DST: variants seen among roughly 807,000 people sequenced by gnomAD.
DST encodes dystonin.
A neutral mutation model predicts 875.2 loss-of-function variants in DST; 253 were observed. The observed-to-expected ratio is 0.29, with a 90% confidence interval of 0.26 to 0.32. The LOEUF (loss-of-function observed/expected upper bound fraction) is 0.32. Among genes scored for constraint, DST ranks in the 10% least tolerant of loss-of-function variants. The pLI is 1.00. For synonymous variants in DST, 3,124 were observed against 3,197.1 expected (o/e 0.98, Z 0.77); for missense variants, 8,287 against 9,111.6 (o/e 0.91, Z 3.68).
rs536542695 is a variant in DST at position 56,789,308 on chromosome 6, T to A, written c.626-54019A>T. Among the ~76,000 whole-genome samples the A allele has an allele frequency of 6.6e-5, 10 of 152,288 alleles. No individual in the cohort carries two copies. The East Asian group carries it at 1.9e-3, about 29-fold the overall frequency. On this transcript the variant is annotated intron_variant, in intron 4 of 103. Coordinates refer to ENST00000680361, the MANE Select transcript of DST (RefSeq NM_001374736.1). Reference sequence around the variant, plus strand: ...ATAATTGCACTACTGCACTCCAACCTGGGCAACACAGTGAAACCCTGCACC... The same window carrying A: ...ATAATTGCACTACTGCACTCCAACCAGGGCAACACAGTGAAACCCTGCACC...
rs772116284 is a variant in DST, at chr6:56,851,551, G to A, written c.471C>T (p.Ser157=). 5.6e-6 allele frequency: 9 copies of A among 1,613,874 alleles called. No homozygotes were observed. Among genetic ancestry groups the A allele is most frequent in the Admixed American group, 3.3e-5 (2 of 59,996 alleles). Reference sequence around the variant, plus strand: ...ATTTCTGGCTGAAATCATCCTCATCGGAAAAATCCGCAGAGGAAGACATAG... The same window carrying A: ...ATTTCTGGCTGAAATCATCCTCATCAGAAAAATCCGCAGAGGAAGACATAG... ...RCSMSSSADF[S]DEDDFSQKSG... The change falls in exon 4 of 104, where the codon TCC becomes TCT. Residue 157 remains serine, a synonymous_variant. Coordinates refer to ENST00000680361, the MANE Select transcript of DST (RefSeq NM_001374736.1).
At chr6:56,663,842 G>A (rs181036113) in intron 10 of DST, among the ~76,000 whole-genome samples, 134 of 152,180 alleles carry the variant, frequency 8.8e-4, no homozygotes, top group African/African-American at 3.2e-3. Context: ...GAAAACATTT[G>A]ACTGCTTTGC....
At chr6:56,879,456 GC>G (rs1463978106) in intron 3 of DST, among the ~76,000 whole-genome samples, 1 of 149,776 alleles carries the variant, frequency 6.7e-6, no homozygotes, top group Non-Finnish European at 1.5e-5. Context: ...GGGAGACAGA[GC>G]GAGACTTCGT....
chr6:56,625,312 G>T, intron 34 of DST, 48 bp from the exon 35 acceptor site: 1 of 1,162,386 alleles, frequency 8.6e-7, no homozygotes, highest in South Asian at 1.2e-5. Flanking sequence ...CAAAGTACTA[G>T]AGTTTCATTC....
intron 85 of DST, among the ~76,000 whole-genome samples, chr6:56,490,349 T>C (rs563807909): frequency 1.3e-5 from 2 of 152,282 alleles, no homozygotes; most frequent in Non-Finnish European, 2.9e-5. Flanking sequence ...AACCAGCAGG[T>C]ACTATTTTCT....
intron 3 of DST, chr6:56,863,391 T>C (rs1413646377): frequency 6.6e-6 from 1 of 152,246 alleles, no homozygotes; most frequent in Non-Finnish European, 1.5e-5. Flanking sequence ...ATATCCCTAT[T>C]TCTTCTGACT....
At chr6:56,483,009 T>G (rs2095448137) in intron 88 of DST, 132 bp from the exon 89 acceptor site, 1 of 562,308 alleles carries the variant, frequency 1.8e-6, no homozygotes, top group African/African-American at 1.9e-5. Context: ...TAACCATATT[T>G]CTGGCAGCAT....
Position 56,506,437 on chromosome 6 carries a change from C to T in DST, c.19464+6G>A. ...AAGACCAGCACATACACTGTAATCC[C>T]CTTACCTGCAGTCCATCCTGGTACT... On this transcript the variant is annotated splice_donor_region_variant and intron_variant, in intron 77 of 103. Coordinates refer to ENST00000680361, the MANE Select transcript of DST (RefSeq NM_001374736.1). 3 of 1,608,462 alleles carry T rather than the reference C, an allele frequency of 1.9e-6. No homozygotes were observed. Among genetic ancestry groups the T allele is most frequent in the Admixed American group, 3.4e-5 (2 of 59,578 alleles).
chr6:56,635,484 T>A, intron 24 of DST, 105 bp downstream of exon 24: 1 of 1,146,020 alleles, frequency 8.7e-7, no homozygotes, highest in Non-Finnish European at 1.3e-6. Flanking sequence ...ATTGAATTAG[T>A]GGGAAATATC....
chr6:56,477,373 A>G lies in DST; in HGVS notation c.21647T>C (p.Ile7216Thr), dbSNP rs2095244021. The change falls in exon 91 of 104, where the codon ATA becomes ACA. Residue 7216 changes from isoleucine (I) to threonine (T), a missense_variant. By Grantham distance (89) the Ile-to-Thr change is moderately conservative. Coordinates refer to ENST00000680361, the MANE Select transcript of DST (RefSeq NM_001374736.1). ...CTCAAACCTCGCCCGGATGATTGTT[A>G]TCCAGTGCTTAATGGTAGTGATGGA... ...PDSITTIKHW[I>T]TIIRARFEEV... 1 of 1,613,880 alleles carries G rather than the reference A, an allele frequency of 6.2e-7. No individual in the cohort carries two copies. The highest frequency in any genetic ancestry group is 8.5e-7 in the Non-Finnish European group (1 of 1,179,886).
intron 3 of DST, among the ~76,000 whole-genome samples, chr6:56,860,114 G>A (rs1442443085): frequency 1.3e-5 from 2 of 152,148 alleles, no homozygotes; most frequent in Non-Finnish European, 2.9e-5. Flanking sequence ...TGGAATACTG[G>A]CCCTAGTGGT....
intron 4 of DST, among the ~76,000 whole-genome samples, chr6:56,839,704 A>G (rs1341883704): frequency 6.6e-6 from 1 of 152,230 alleles, no homozygotes; most frequent in Non-Finnish European, 1.5e-5. Flanking sequence ...ATCACCTATC[A>G]ATAAAGGCAA....
chr6:56,774,208 G>A (rs1212890464), intron 4 of DST, among the ~76,000 whole-genome samples: 1 of 151,348 alleles, frequency 6.6e-6, no homozygotes, highest in Non-Finnish European at 1.5e-5. Context: ...TTCTCTAACT[G>A]AGAAAGCTGA....
chr6:56,812,109 A>AAAAGAAAAGAAAAGAAAAGAAAAG (rs1554158456), intron 4 of DST, among the ~76,000 whole-genome samples: 1 of 111,802 alleles, frequency 8.9e-6, no homozygotes, highest in South Asian at 3.1e-4. Flanking sequence ...CTCAAAAAAA[A>AAAAGAAAAGAAAAGAAAAGAAAAG]AAAAGAAAAG....
intron 4 of DST, among the ~76,000 whole-genome samples, chr6:56,810,249 G>A (rs984800661): frequency 1.3e-5 from 2 of 152,130 alleles, no homozygotes; most frequent in African/African-American, 2.4e-5. Flanking sequence ...GTTCAAAGCT[G>A]CAGTGAGCTA....
rs70989721 is a variant in DST, at chr6:56,650,325, C to CAAAAAA, written c.1434+595_1434+600dup. ...ATAAGCACTTGTTAGCATAACCACC[C>CAAAAAA]AAAAAAAAAAAAAAAAAAAAAAAGC... On this transcript the variant is annotated intron_variant, in intron 12 of 103. Transcript: ENST00000680361. Among the ~76,000 whole-genome samples, 375 of 48,672 alleles carry CAAAAAA rather than the reference C, an allele frequency of 7.7e-3. 33 individuals carry two copies. Among genetic ancestry groups the CAAAAAA allele is most frequent in the African/African-American group, 0.025 (323 of 12,752 alleles). 31.9% of individuals were successfully genotyped at this position (48,672 alleles called of 152,430 possible).
intron 49 of DST, 112 bp downstream of exon 49, chr6:56,592,070 C>A (rs2098285434): frequency 1.1e-6 from 1 of 905,934 alleles, no homozygotes; most frequent in Non-Finnish European, 1.7e-6. Flanking sequence ...CAGAAGTATA[C>A]TTTTCACATC....
At chr6:56,654,588 A>ATATATATATC (rs2098994567) in intron 10 of DST, among the ~76,000 whole-genome samples, 1 of 146,010 alleles carries the variant, frequency 6.8e-6, no homozygotes, top group African/African-American at 2.6e-5. Context: ...CCCCTAGGCT[A>ATATATATATC]TATATATATA....
chr6:56,758,914 A>C (rs1441174632), intron 4 of DST, among the ~76,000 whole-genome samples: 1 of 152,140 alleles, frequency 6.6e-6, no homozygotes, highest in Non-Finnish European at 1.5e-5. Flanking sequence ...ACCAGATTCA[A>C]CCAGAGTGCA....
Sources: allele counts gnomAD v4.1 joint callset (sites outside exome capture counted in the v4.1 genomes callset), GRCh38; gene constraint gnomAD v4.1.1; transcripts MANE v1.5; gene names NCBI Gene and HGNC (gene_info 2026-07-23, HGNC 2026-07-21).